IQCM: variants seen among roughly 807,000 people sequenced by gnomAD.
IQCM encodes IQ motif containing M.
In IQCM, 45 loss-of-function variants were observed where a neutral mutation model predicts 57.6. The observed-to-expected ratio is 0.78, with a 90% CI of 0.62 to 1.00. IQCM has a LOEUF of 1.00. Among genes scored for constraint, IQCM ranks in the 50% least tolerant of loss-of-function variants. The probability of loss-of-function intolerance (pLI) is 0.00; values close to 1 mark genes in which losing one functional copy is unlikely to be tolerated. For synonymous variants in IQCM, 148 were observed against 158.9 expected (o/e 0.93, Z 0.51); for missense variants, 468 against 511.6 (o/e 0.91, Z 0.82).
At chr4:149,372,684 A>T (rs1730442749) in intron 13 of IQCM, among the ~76,000 whole-genome samples, 1 of 152,150 alleles carries the variant, frequency 6.6e-6, no homozygotes, top group South Asian at 2.1e-4. Flanking sequence ...TAAGTTTTCC[A>T]GTTATGGCTT....
intron 5 of IQCM, among the ~76,000 whole-genome samples, chr4:149,697,169 A>C (rs1763402903): frequency 6.6e-6 from 1 of 152,088 alleles, no homozygotes; most frequent in Non-Finnish European, 1.5e-5. Flanking sequence ...ACTTATGCCT[A>C]TCTCTCTCTC....
intron 2 of IQCM, among the ~76,000 whole-genome samples, chr4:149,746,039 CAAA>C (rs550807112): frequency 9.6e-6 from 1 of 104,440 alleles, no homozygotes; most frequent in Non-Finnish European, 2.1e-5. Flanking sequence ...ATTCTTTTGG[CAAA>C]AAAAAAAAAA....
At chr4:149,377,727 C>T (rs961231847) in intron 13 of IQCM, among the ~76,000 whole-genome samples, 1 of 152,126 alleles carries the variant, frequency 6.6e-6, no homozygotes, top group Non-Finnish European at 1.5e-5. Context: ...AGAGCAAATT[C>T]TATATGTCTC....
At chr4:149,753,347 T>C (rs977220698) in intron 2 of IQCM, among the ~76,000 whole-genome samples, 2 of 151,812 alleles carry the variant, frequency 1.3e-5, no homozygotes, top group African/African-American at 4.8e-5. Context: ...AATATAAAAA[T>C]ATGAAACAAA....
intron 7 of IQCM, among the ~76,000 whole-genome samples, chr4:149,673,044 G>T (rs1761440210): frequency 6.6e-6 from 1 of 152,086 alleles, no homozygotes; most frequent in Non-Finnish European, 1.5e-5. Flanking sequence ...AAGTAAAGGA[G>T]AAATAAAATC....
At chr4:149,803,113 A>C (rs2150052399) in intron 2 of IQCM, among the ~76,000 whole-genome samples, 1 of 152,052 alleles carries the variant, frequency 6.6e-6, no homozygotes, top group South Asian at 2.1e-4. Flanking sequence ...TTTATACCCA[A>C]GCCTTCTAGT....
chr4:149,469,039 A>G (rs1017192856), intron 12 of IQCM, among the ~76,000 whole-genome samples: 4 of 152,188 alleles, frequency 2.6e-5, no homozygotes, highest in Non-Finnish European at 5.9e-5. Context: ...GAGCAGTAAA[A>G]CTGGAAACTC....
intron 12 of IQCM, among the ~76,000 whole-genome samples, chr4:149,541,394 C>G (rs1266190004): frequency 1.3e-5 from 2 of 151,894 alleles, no homozygotes; most frequent in Admixed American, 1.3e-4. Context: ...AACTTATCAT[C>G]GTTGTTGAGT....
intron 2 of IQCM, among the ~76,000 whole-genome samples, chr4:149,802,491 G>A (rs1001429165): frequency 6.6e-6 from 1 of 151,940 alleles, no homozygotes; most frequent in Non-Finnish European, 1.5e-5. Flanking sequence ...TCTGTTAACT[G>A]ATGAGAATTC....
intron 13 of IQCM, chr4:149,430,008 T>G: frequency 8.1e-7 from 1 of 1,229,050 alleles, no homozygotes; most frequent in Non-Finnish European, 1.0e-6. Context: ...TAGGTCACCT[T>G]CTGATAATTT....
chr4:149,405,904 ATATATT>A (rs1250371314), intron 13 of IQCM, among the ~76,000 whole-genome samples: 2 of 147,426 alleles, frequency 1.4e-5, no homozygotes, highest in Non-Finnish European at 3.0e-5. Context: ...ATATATATAT[ATATATT>A]TATCTCCATA....
intron 7 of IQCM, among the ~76,000 whole-genome samples, chr4:149,636,733 A>C (rs1001145454): frequency 6.6e-6 from 1 of 152,224 alleles, no homozygotes; most frequent in Non-Finnish European, 1.5e-5. Context: ...AAAATAAGAA[A>C]ATGATAAGTA....
intron 9 of IQCM, among the ~76,000 whole-genome samples, chr4:149,580,404 C>T (rs1481501552): frequency 2.0e-5 from 3 of 151,794 alleles, no homozygotes; most frequent in African/African-American, 7.3e-5. Context: ...TGGGTGAGGA[C>T]TTAACAAACG....
At chr4:149,728,084 G>T (rs1315089994) in intron 5 of IQCM, among the ~76,000 whole-genome samples, 1 of 152,154 alleles carries the variant, frequency 6.6e-6, no homozygotes, top group Non-Finnish European at 1.5e-5. Flanking sequence ...CTGACTAAAA[G>T]GTTCTGTTCT....
At chr4:149,520,487 T>G (rs2149829628) in intron 12 of IQCM, among the ~76,000 whole-genome samples, 1 of 152,268 alleles carries the variant, frequency 6.6e-6, no homozygotes. Flanking sequence ...ACCCAAATCC[T>G]TATCAACAAC....
chr4:149,632,586 A>G (rs1757362935), intron 7 of IQCM, among the ~76,000 whole-genome samples: 1 of 152,234 alleles, frequency 6.6e-6, no homozygotes, highest in African/African-American at 2.4e-5. Context: ...AAAAGAGGAA[A>G]AAAAAAGATC....
At chr4:149,748,260 G>C (rs954147276) in intron 2 of IQCM, among the ~76,000 whole-genome samples, 1 of 151,980 alleles carries the variant, frequency 6.6e-6, no homozygotes, top group African/African-American at 2.4e-5. Context: ...GACTTCAAAG[G>C]TACCTTCTGG....
chr4:149,380,446 A>AT (rs971642064), intron 13 of IQCM, among the ~76,000 whole-genome samples: 6 of 152,144 alleles, frequency 3.9e-5, no homozygotes, highest in Admixed American at 2.6e-4. Context: ...AATCTAATTA[A>AT]TTTTAGGAAA....
At chr4:149,565,517 T>G (rs2149943479) in intron 9 of IQCM, among the ~76,000 whole-genome samples, 1 of 152,312 alleles carries the variant, frequency 6.6e-6, no homozygotes, top group East Asian at 1.9e-4. Flanking sequence ...TGTATGTCAT[T>G]TGAACACTAG....
Sources: gnomAD v4.1 joint callset for allele counts (sites outside exome capture counted in the v4.1 genomes callset) on GRCh38, gnomAD v4.1.1 for gene constraint, MANE v1.5 for transcripts, NCBI Gene and HGNC (gene_info 2026-07-23, HGNC 2026-07-21) for gene names.